KAZN: variants seen among roughly 807,000 people sequenced by gnomAD.
KAZN encodes kazrin, periplakin interacting protein, also known as kazrin.
In KAZN, 40 loss-of-function variants were observed where a neutral mutation model predicts 87.4. The observed-to-expected ratio is 0.46, with a 90% CI of 0.36 to 0.60. The LOEUF (loss-of-function observed/expected upper bound fraction) is 0.60, where lower values mean the gene tolerates loss of function less well. Ranked by LOEUF, KAZN falls within the 20% of genes least tolerant of loss-of-function variation. KAZN has a pLI of 0.00. For missense variants in KAZN, 898 were observed against 1,073.9 expected, an observed-to-expected ratio of 0.84 and a Z score of 2.29; for synonymous variants, 466 against 458.3, an observed-to-expected ratio of 1.02 and a Z score of -0.22.
At chr1:13,905,422 T>C (rs1189009158) in intron 1 of KAZN, among the ~76,000 whole-genome samples, 1 of 152,236 alleles carries the variant, frequency 6.6e-6, no homozygotes, top group Non-Finnish European at 1.5e-5. Flanking sequence ...CCAACTCATA[T>C]GAGGGTAAGC....
chr1:14,197,902 G>A (rs79471845), intron 2 of KAZN, among the ~76,000 whole-genome samples: 10,370 of 152,204 alleles, frequency 0.068, 490 homozygotes, highest in Middle Eastern at 0.16. Context: ...GAAAAATAGG[G>A]AGAATGAAGG....
intron 1 of KAZN, among the ~76,000 whole-genome samples, chr1:13,995,486 G>A (rs964206018): frequency 1.6e-4 from 24 of 152,154 alleles, no homozygotes; most frequent in Non-Finnish European, 8.8e-5. Flanking sequence ...GATCTAACAA[G>A]AGTTTTTTTC....
chr1:14,007,216 T>C (rs1332196636), intron 1 of KAZN, among the ~76,000 whole-genome samples: 1 of 152,224 alleles, frequency 6.6e-6, no homozygotes, highest in Non-Finnish European at 1.5e-5. Flanking sequence ...TGTTAATTAG[T>C]TCTAAAGTTC....
intron 1 of KAZN, among the ~76,000 whole-genome samples, chr1:14,020,039 G>T (rs1253803570): frequency 1.3e-5 from 2 of 151,896 alleles, no homozygotes; most frequent in Non-Finnish European, 2.9e-5. Flanking sequence ...CCATCTGGGG[G>T]TGATGGGAGA....
At chr1:14,726,282 C>T (rs1484391374) in intron 1 of KAZN, among the ~76,000 whole-genome samples, 2 of 152,186 alleles carry the variant, frequency 1.3e-5, no homozygotes, top group Non-Finnish European at 2.9e-5. Context: ...AGATGTACAC[C>T]CCGCAAAACA....
chr1:13,988,280 A>G (rs1639115304), intron 1 of KAZN, among the ~76,000 whole-genome samples: 2 of 152,234 alleles, frequency 1.3e-5, no homozygotes, highest in Admixed American at 6.5e-5. Flanking sequence ...AGTAAATAGT[A>G]GAAATAAAAA....
At chr1:14,640,477 G>C (rs910621726) in intron 1 of KAZN, among the ~76,000 whole-genome samples, 1 of 152,196 alleles carries the variant, frequency 6.6e-6, no homozygotes, top group Non-Finnish European at 1.5e-5. Context: ...ATTAGCAGGG[G>C]ACAGGCATTG....
intron 1 of KAZN, among the ~76,000 whole-genome samples, chr1:14,065,367 C>G (rs927821453): frequency 6.6e-6 from 1 of 152,078 alleles, no homozygotes; most frequent in Non-Finnish European, 1.5e-5. Context: ...GAAAACAAGA[C>G]AAGAACAGAA....
chr1:14,937,307 T>C (rs1660570641), intron 1 of KAZN, among the ~76,000 whole-genome samples: 1 of 152,180 alleles, frequency 6.6e-6, no homozygotes, highest in Non-Finnish European at 1.5e-5. Context: ...TTAGAGCACC[T>C]ACTTGGGGCC....
intron 1 of KAZN, among the ~76,000 whole-genome samples, chr1:14,935,697 C>G (rs1183758168): frequency 1.3e-5 from 2 of 152,186 alleles, no homozygotes; most frequent in Non-Finnish European, 2.9e-5. Flanking sequence ...CTCCCTTCCC[C>G]TTCTCCCTGT....
At chr1:14,567,864 C>T (rs1382919473) in intron 2 of KAZN, among the ~76,000 whole-genome samples, 1 of 152,156 alleles carries the variant, frequency 6.6e-6, no homozygotes, top group Non-Finnish European at 1.5e-5. Flanking sequence ...CCCCATTTTA[C>T]TTAATATCCT....
chr1:14,552,641 C>T (rs1434485813), intron 2 of KAZN, among the ~76,000 whole-genome samples: 1 of 152,162 alleles, frequency 6.6e-6, no homozygotes. Context: ...CCATGAATGC[C>T]TCCATGCAAG....
intron 1 of KAZN, among the ~76,000 whole-genome samples, chr1:14,908,068 G>A (rs1656811662): frequency 6.6e-6 from 1 of 152,206 alleles, no homozygotes. Context: ...CAAGCCAAGA[G>A]GCGGTTCTAG....
intron 1 of KAZN, among the ~76,000 whole-genome samples, chr1:14,160,474 G>T (rs771529148): frequency 1.6e-4 from 24 of 152,318 alleles, no homozygotes; most frequent in Non-Finnish European, 2.6e-4. Context: ...GGGGGCTTGG[G>T]AGAGGAGTGA....
intron 5 of KAZN, 94 bp from the exon 6 acceptor site, chr1:15,060,078 G>A: frequency 6.6e-7 from 1 of 1,515,532 alleles, no homozygotes; most frequent in East Asian, 2.3e-5. Flanking sequence ...GTTCCCATCT[G>A]TAGAACGGGG....
chr1:15,001,894 T>C (rs1373686096), intron 2 of KAZN, among the ~76,000 whole-genome samples: 1 of 144,658 alleles, frequency 6.9e-6, no homozygotes, highest in African/African-American at 2.6e-5. Flanking sequence ...TTTTTTTTTT[T>C]TTTTTAGGTG....
intron 1 of KAZN, among the ~76,000 whole-genome samples, chr1:14,702,717 C>T (rs953072533): frequency 7.2e-5 from 11 of 152,192 alleles, no homozygotes; most frequent in African/African-American, 2.7e-4. Context: ...TGAGAGTCAC[C>T]TGGCGGCAAA....
At chr1:14,144,041 A>G (rs971260865) in intron 1 of KAZN, among the ~76,000 whole-genome samples, 5 of 152,164 alleles carry the variant, frequency 3.3e-5, no homozygotes, top group Middle Eastern at 6.8e-3. Flanking sequence ...TTAATCTATC[A>G]GCAGTTCATT....
chr1:15,101,238 GTC>G (rs886903079), intron 10 of KAZN, among the ~76,000 whole-genome samples: 5 of 144,964 alleles, frequency 3.4e-5, no homozygotes, highest in South Asian at 4.4e-4. Flanking sequence ...TTCTCTCAGT[GTC>G]TCTCTCTCTC....
Sources: allele counts gnomAD v4.1 joint callset (sites outside exome capture counted in the v4.1 genomes callset), GRCh38; gene constraint gnomAD v4.1.1; transcripts MANE v1.5; gene names NCBI Gene and HGNC (gene_info 2026-07-23, HGNC 2026-07-21).